TMCC1: variants seen among roughly 807,000 people sequenced by gnomAD.
The protein encoded by TMCC1 is transmembrane and coiled-coil domains protein 1.
Under a neutral mutation model 52.4 loss-of-function variants are expected in TMCC1, and 15 were observed. The observed-to-expected ratio is 0.29, with a 90% CI of 0.19 to 0.44. The LOEUF is 0.44. Ranked by LOEUF, TMCC1 falls within the 20% of genes least tolerant of loss-of-function variation. The pLI, the probability that TMCC1 is intolerant of heterozygous loss-of-function variation, is 1.00. For synonymous variants in TMCC1, 279 were observed against 301.9 expected (o/e 0.92, Z 0.79); for missense variants, 503 against 806.0 (o/e 0.62, Z 4.55).
chr3:129,869,572 A>G (rs2060818623), intron 2 of TMCC1, among the ~76,000 whole-genome samples: 1 of 152,188 alleles, frequency 6.6e-6, no homozygotes, highest in East Asian at 1.9e-4. Flanking sequence ...AACTCCAGGT[A>G]GACAGTGTCA....
rs368045992 is a variant in TMCC1 at position 129,887,542 on chromosome 3, C to CA, written c.-435+5951dup. ...GGCGACAGAGCAAGACTCCGTCTCTCAAAAAAAAAAAAAAAACAACAAAAA... is the reference window on the plus strand; with the variant it reads ...GGCGACAGAGCAAGACTCCGTCTCTCAAAAAAAAAAAAAAAAACAACAAAAA... On this transcript the variant is annotated intron_variant, in intron 1 of 6. Transcript: ENST00000393238. 9.1e-3 allele frequency among the ~76,000 whole-genome samples: 826 copies of CA among 91,138 alleles called. 12 individuals carry two copies. The highest frequency in any genetic ancestry group is 0.023 in the South Asian group (60 of 2,660). The allele number at this position is 91,138 out of a possible 152,430, so 59.8% of individuals were successfully genotyped here.
Position 129,671,138 on chromosome 3 carries a change from C to A in TMCC1, c.703G>T (p.Ala235Ser), listed in dbSNP as rs749972000. ...PDPQRTKAAI[A>S]HLQQKILKLT... is the part of the protein sequence containing the mutation. ...TTCAGGATCTTCTGCTGCAGGTGAG[C>A]AATGGCAGCCTTTGTGCGCTGAGGG... The change falls in exon 5 of 7, where the codon GCT becomes TCT. Residue 235 changes from alanine (A) to serine (S), a missense_variant. Transcript: ENST00000393238. 1.2e-6 allele frequency: 2 copies of A among 1,614,128 alleles called. No homozygotes were observed. The highest frequency in any genetic ancestry group is 1.1e-5 in the South Asian group (1 of 91,084).
intron 4 of TMCC1, among the ~76,000 whole-genome samples, chr3:129,733,129 C>A (rs1210957674): frequency 6.6e-6 from 1 of 152,152 alleles, no homozygotes; most frequent in African/African-American, 2.4e-5. Flanking sequence ...GGTGTTTTAG[C>A]TGAGTTCAGT....
chr3:129,831,933 C>A (rs1393794099), intron 3 of TMCC1, among the ~76,000 whole-genome samples: 2 of 152,296 alleles, frequency 1.3e-5, no homozygotes, highest in East Asian at 3.9e-4. Flanking sequence ...CAGCTCACTG[C>A]AACCTCTGCC....
Position 129,693,860 on chromosome 3 carries a change from G to A in TMCC1, c.577-22596C>T, listed in dbSNP as rs115788093. Among the ~76,000 whole-genome samples, 464 of 152,226 alleles carry A rather than the reference G, an allele frequency of 3.0e-3. 1 individual carries two copies. Among genetic ancestry groups the A allele is most frequent in the Middle Eastern group, 6.8e-3 (2 of 294 alleles). On this transcript the variant is annotated intron_variant, in intron 4 of 6. Coordinates refer to ENST00000393238, the MANE Select transcript of TMCC1 (RefSeq NM_001017395.5). ...TATGGCAATACTGTTATTTGCATAG[G>A]ATCAATACCAATCTCATCTCCTTTT...
chr3:129,789,883 T>C (rs1274389115), intron 4 of TMCC1, among the ~76,000 whole-genome samples: 1 of 152,214 alleles, frequency 6.6e-6, no homozygotes, highest in African/African-American at 2.4e-5. Flanking sequence ...CTAAAATATT[T>C]CCAACTGCTT....
chr3:129,819,058 G>A (rs2058276115), intron 4 of TMCC1: 1 of 152,588 alleles, frequency 6.6e-6, no homozygotes, highest in Non-Finnish European at 1.5e-5. Flanking sequence ...AATGTAGAAT[G>A]TGAAAGGTTC....
At chr3:129,865,720 T>A (rs1382527730) in intron 2 of TMCC1, among the ~76,000 whole-genome samples, 1 of 152,136 alleles carries the variant, frequency 6.6e-6, no homozygotes, top group Non-Finnish European at 1.5e-5. Context: ...AAGACATGTT[T>A]CAGAAGTAAA....
At chr3:129,668,423 G>C (rs77249276) in intron 5 of TMCC1, among the ~76,000 whole-genome samples, 1 of 152,218 alleles carries the variant, frequency 6.6e-6, no homozygotes, top group East Asian at 1.9e-4. Context: ...TTCTATGTTA[G>C]GGATGTGGAA....
At chr3:129,734,459 G>C (rs1015044176) in intron 4 of TMCC1, among the ~76,000 whole-genome samples, 2 of 152,142 alleles carry the variant, frequency 1.3e-5, no homozygotes, top group African/African-American at 2.4e-5. Flanking sequence ...GCTGAGGTGG[G>C]CAGACTGCTT....
chr3:129,843,309 T>C (rs1403371820), intron 2 of TMCC1, among the ~76,000 whole-genome samples: 2 of 151,290 alleles, frequency 1.3e-5, no homozygotes, highest in Non-Finnish European at 2.9e-5. Context: ...ATCGCACCAC[T>C]GCACTCCAGC....
At position 129,649,974 on chromosome 3, in the gene TMCC1, T is replaced by C. The variant is rs1377025170; in HGVS notation, c.*1507A>G. On this transcript the variant is annotated 3_prime_UTR_variant, in exon 7 of 7. Transcript: ENST00000393238. ...GGTTAGGTTAACAAGTCCGTTTACA[T>C]TATAGGAAGCTGGCAACATTTCACA... 6.6e-6 allele frequency: 1 copy of C among 152,596 alleles called. No individual in the cohort carries two copies. The highest frequency in any genetic ancestry group is 2.4e-5 in the African/African-American group (1 of 41,432). The allele number at this position is 152,596 out of a possible 1,614,324, so 9.5% of individuals were successfully genotyped here.
chr3:129,746,368 A>G (rs539773667), intron 4 of TMCC1, among the ~76,000 whole-genome samples: 11 of 149,586 alleles, frequency 7.4e-5, no homozygotes, highest in African/African-American at 2.7e-4. Flanking sequence ...TTAAGTACAG[A>G]CGGGGTTTCA....
intron 4 of TMCC1, among the ~76,000 whole-genome samples, chr3:129,783,238 A>G (rs532113473): frequency 7.2e-5 from 11 of 152,320 alleles, no homozygotes; most frequent in African/African-American, 2.6e-4. Flanking sequence ...TAGTCTCTAT[A>G]TATCTAAATA....
chr3:129,781,235 G>A (rs998670286), intron 4 of TMCC1, among the ~76,000 whole-genome samples: 3 of 152,078 alleles, frequency 2.0e-5, no homozygotes, highest in Non-Finnish European at 4.4e-5. Context: ...TTTCTTTGCC[G>A]ACAAATACTC....
intron 4 of TMCC1, among the ~76,000 whole-genome samples, chr3:129,744,335 AACAG>A (rs2051733687): frequency 6.6e-6 from 1 of 152,146 alleles, no homozygotes; most frequent in Non-Finnish European, 1.5e-5. Context: ...TTTTAATATA[AACAG>A]ACAGGGTCTC....
At chr3:129,842,292 CCT>C (rs1236730939) in intron 2 of TMCC1, among the ~76,000 whole-genome samples, 4 of 152,098 alleles carry the variant, frequency 2.6e-5, no homozygotes, top group African/African-American at 9.7e-5. Context: ...ATGGCAAAAC[CCT>C]GTTTCTACCA....
At chr3:129,694,216 T>G (rs2047228487) in intron 4 of TMCC1, among the ~76,000 whole-genome samples, 1 of 152,014 alleles carries the variant, frequency 6.6e-6, no homozygotes, top group Admixed American at 6.6e-5. Flanking sequence ...TAATAAAGAG[T>G]GTTTAAAAGT....
chr3:129,852,364 G>A (rs1424011008), intron 2 of TMCC1, among the ~76,000 whole-genome samples: 1 of 150,512 alleles, frequency 6.6e-6, no homozygotes, highest in Non-Finnish European at 1.5e-5. Context: ...GTCCAAGGTA[G>A]GAGAATTGCT....
Sources: allele counts gnomAD v4.1 joint callset (sites outside exome capture counted in the v4.1 genomes callset), GRCh38; gene constraint gnomAD v4.1.1; transcripts MANE v1.5; gene names NCBI Gene and HGNC (gene_info 2026-07-23, HGNC 2026-07-21).